Variants in FAM241B observed in about 807,000 individuals in gnomAD.
The protein encoded by FAM241B is family with sequence similarity 241 member B, also known as protein FAM241B.
In FAM241B, 7 loss-of-function variants were observed where a neutral mutation model predicts 9.3. That is an observed-to-expected ratio of 0.75 (90% CI 0.43 to 1.41). The LOEUF is 1.41. FAM241B is among the 40% of genes most tolerant of loss of function. FAM241B has a pLI of 0.01. For synonymous variants in FAM241B, 60 were observed against 64.1 expected (o/e 0.94, Z 0.31); for missense variants, 136 against 159.6 (o/e 0.85, Z 0.80).
chr10:69,630,805 A>G (rs1176782165), intron 1 of FAM241B: 3 of 636,978 alleles, frequency 4.7e-6, no homozygotes, highest in South Asian at 2.3e-5. Context: ...ATATTTTGGG[A>G]AGGCTGGGCC....
rs538817175 is a variant in FAM241B, at chr10:69,631,203, C to A, written c.-103-277C>A. 1.6e-4 allele frequency among the ~76,000 whole-genome samples: 25 copies of A among 152,332 alleles called. No individual in the cohort carries two copies. The South Asian group carries it at 4.3e-3, about 27-fold the overall frequency. ...GTGATCCCGGGCAGGCCACTTAAGT[C>A]TCCCTGTGCCTCCGCCTGTGCAATG... On this transcript the variant is annotated intron_variant, in intron 1 of 3. Transcript: ENST00000373279.
chr10:69,631,537 C>T lies in FAM241B; in HGVS notation c.-46C>T. 1 of 1,543,606 alleles carries T rather than the reference C, an allele frequency of 6.5e-7. No individual in the cohort carries two copies. The highest frequency in any genetic ancestry group is 1.2e-5 in the South Asian group (1 of 83,158). On this transcript the variant is annotated 5_prime_UTR_variant, in exon 2 of 4. Coordinates refer to ENST00000373279, the MANE Select transcript of FAM241B (RefSeq NM_145306.3). ...TGAACATCACTGACTGCAAGCCTCC[C>T]TCAATTTCTGGTAAATTTTTTCCTT... is the stretch of plus-strand genomic sequence containing the variant.
intron 3 of FAM241B, 124 bp from the exon 4 acceptor site, chr10:69,632,666 C>T (rs1839849531): frequency 5.4e-6 from 6 of 1,103,404 alleles, no homozygotes; most frequent in Non-Finnish European, 6.4e-6. Flanking sequence ...TGGGGGATTG[C>T]TGAGAAAGGA....
At chr10:69,631,976 A>G in intron 3 of FAM241B, 137 bp downstream of exon 3, 56 of 409,112 alleles carry the variant, frequency 1.4e-4, no homozygotes, top group Admixed American at 1.8e-4. Flanking sequence ...GGGAAGATGC[A>G]GTGGCTTATT....
chr10:69,632,189 G>C (rs542108021), intron 3 of FAM241B, among the ~76,000 whole-genome samples: 1 of 152,200 alleles, frequency 6.6e-6, no homozygotes, highest in East Asian at 1.9e-4. Flanking sequence ...GGCTGGGCGC[G>C]GTGGCTCACA....
Position 69,631,800 on chromosome 10 carries a change from G to T in FAM241B, c.57G>T (p.Arg19Ser), listed in dbSNP as rs1253888125. 1 of 1,613,082 alleles carries T rather than the reference G, an allele frequency of 6.2e-7. No homozygotes were observed. Among genetic ancestry groups the T allele is most frequent in the Non-Finnish European group, 8.5e-7 (1 of 1,179,794 alleles). ...TGCAGGATGACGACCCCCGAGTGAG[G>T]ACCACTACCCAGCCACCAAGAGGTA... The part of the protein sequence containing the change: ...EIVQDDDPRV[R>S]TTTQPPRGSI... Residue 19 changes from arginine (R) to serine (S), a missense_variant, in exon 3 of 4, where the codon AGG (arginine) becomes AGT (serine). Coordinates refer to ENST00000373279, the MANE Select transcript of FAM241B (RefSeq NM_145306.3).
In FAM241B at chr10:69,631,834, C is replaced by G. The variant is rs754518307; in HGVS notation, c.91C>G (p.Arg31Gly). The change falls in exon 3 of 4, where the codon CGA (arginine) becomes GGA (glycine). Residue 31 changes from arginine (R) to glycine (G), a missense_variant. Transcript: ENST00000373279. ...CCAGCCACCAAGAGGTAGCATTCCT[C>G]GACAGGTAGGTACTCATTTCCTGTG... is the stretch of plus-strand genomic sequence containing the variant. ...TTQPPRGSIP[R>G]QSFFNRGHGA... The G allele has an allele frequency of 5.6e-6, 9 of 1,609,276 alleles. No homozygotes were observed. Among genetic ancestry groups the G allele is most frequent in the South Asian group, 1.1e-5 (1 of 89,446 alleles).
rs557144573 is a variant in FAM241B at position 69,631,720 on chromosome 10, C to T, written c.-24C>T. 1.9e-6 allele frequency: 3 copies of T among 1,609,208 alleles called. No individual in the cohort carries two copies. The highest frequency in any genetic ancestry group is 2.2e-5 in the South Asian group (2 of 89,422). On this transcript the variant is annotated 5_prime_UTR_variant, in exon 3 of 4. Coordinates refer to ENST00000373279, the MANE Select transcript of FAM241B (RefSeq NM_145306.3). ...ACCACACAATGCAGGTGCAGCCCAT[C>T]AGGGACCCACAGCGCCTGGGAGGAT...
chr10:69,632,457 CAAAA>C (rs58019486), intron 3 of FAM241B, among the ~76,000 whole-genome samples: 8,752 of 108,842 alleles, frequency 0.08, 271 homozygotes, highest in East Asian at 0.23. Context: ...GACTCCGTCT[CAAAA>C]AAAAAAAAAA....
At chr10:69,630,599 G>A (rs182427343) in intron 1 of FAM241B, 3 of 1,277,898 alleles carry the variant, frequency 2.3e-6, no homozygotes, top group East Asian at 1.2e-4. Flanking sequence ...TCCAGGCTAC[G>A]GGCAAGACCA....
chr10:69,630,712 T>G, intron 1 of FAM241B: 1 of 1,270,206 alleles, frequency 7.9e-7, no homozygotes, highest in Non-Finnish European at 1.0e-6. Context: ...TTACCCAGAC[T>G]CAAGGGGAGG....
At chr10:69,630,583 C>T (rs1362111633) in intron 1 of FAM241B, 2 of 1,238,612 alleles carry the variant, frequency 1.6e-6, no homozygotes, top group African/African-American at 3.1e-5. Flanking sequence ...CGCGCCTGTC[C>T]CGGGCTCCAG....
Position 69,633,207 on chromosome 10 carries a change from C to T in FAM241B, c.*148C>T, listed in dbSNP as rs1839862526. On this transcript the variant is annotated 3_prime_UTR_variant, in exon 4 of 4. Transcript: ENST00000373279. The stretch of plus-strand genomic sequence containing the variant: ...GTGTGTGTTTCCCCTTTGTGTTAAG[C>T]GTGAGGCAGAGGGAGACGTTAGTCC... 8.2e-6 allele frequency: 10 copies of T among 1,221,074 alleles called. No homozygotes were observed. Among genetic ancestry groups the T allele is most frequent in the African/African-American group, 6.0e-5 (4 of 66,474 alleles). 75.6% of individuals were successfully genotyped at this position (1,221,074 alleles called of 1,614,324 possible). A position where few individuals can be genotyped will look rare whatever the true frequency, so the allele number is the denominator to read the frequency against.
At position 69,633,125 on chromosome 10, in the gene FAM241B, C is replaced by A. The variant is rs556176739; in HGVS notation, c.*66C>A. ...TGCTGGGCCTTGGTGTGAGAGCAGG[C>A]ATATTTGGAGGGGATCTGGTGGTGC... On this transcript the variant is annotated 3_prime_UTR_variant, in exon 4 of 4. Transcript: ENST00000373279. The A allele has an allele frequency of 2.0e-5, 31 of 1,583,814 alleles. No individual in the cohort carries two copies. In the Admixed American group the frequency reaches 4.7e-4, roughly 24 times the overall value.
chr10:69,633,416 C>T lies in FAM241B; in HGVS notation c.*357C>T, dbSNP rs566400182. 6 of 291,336 alleles carry T rather than the reference C, an allele frequency of 2.1e-5. No individual in the cohort carries two copies. Among genetic ancestry groups the T allele is most frequent in the Non-Finnish European group, 3.2e-5 (5 of 154,816 alleles). 18.0% of individuals were successfully genotyped at this position (291,336 alleles called of 1,614,324 possible). On this transcript the variant is annotated 3_prime_UTR_variant, in exon 4 of 4. Transcript: ENST00000373279. ...GTTCCGATGCCTGTGGAAGACATGC[C>T]GACGTCTCCTCTGCCTAGGGAGCAG...
rs1037539260 is a variant in FAM241B, at chr10:69,633,564, G to A, written c.*505G>A. On this transcript the variant is annotated 3_prime_UTR_variant, in exon 4 of 4. Coordinates refer to ENST00000373279, the MANE Select transcript of FAM241B (RefSeq NM_145306.3). ...AAGTGGTAGTGGCATTCTATTTATT[G>A]TGACCTTTTCAATAAATAGATTTAA... 1.3e-5 allele frequency: 2 copies of A among 157,616 alleles called. No individual in the cohort carries two copies. The highest frequency in any genetic ancestry group is 2.8e-5 in the Non-Finnish European group (2 of 71,298). The allele number at this position is 157,616 out of a possible 1,614,324, so 9.8% of individuals were successfully genotyped here.
rs868331413 is a variant in FAM241B, at chr10:69,630,756, A to C, written c.-104+443A>C. On this transcript the variant is annotated intron_variant, in intron 1 of 3. Transcript: ENST00000373279. Reference sequence around the variant, plus strand: ...GGCCCCGCAGTCCAGGGGTCCGCGGAGTGGAGCCTTTCGAGGGCCACCGCA... The same window carrying C: ...GGCCCCGCAGTCCAGGGGTCCGCGGCGTGGAGCCTTTCGAGGGCCACCGCA... The C allele has an allele frequency of 1.6e-5, 17 of 1,038,486 alleles. No homozygotes were observed. The South Asian group carries it at 2.7e-4, about 16-fold the overall frequency. 64.3% of individuals were successfully genotyped at this position (1,038,486 alleles called of 1,614,324 possible).
rs757448881 is a variant in FAM241B, at chr10:69,632,871, G to T, written c.178G>T (p.Ala60Ser). 3 of 1,614,106 alleles carry T rather than the reference G, an allele frequency of 1.9e-6. No homozygotes were observed. The African/African-American group carries it at 4.0e-5, about 22-fold the overall frequency. The change falls in exon 4 of 4, where the codon GCT (alanine) becomes TCT (serine). Residue 60 changes from alanine (A) to serine (S), a missense_variant. Physicochemically the swap from Ala to Ser is moderately conservative, Grantham distance 99. Transcript: ENST00000373279. ...GCAGGCAGGTGCCAGGCTGGGTGCTGCTCAGTCCCCCTTCAATGACCTCAA... is the reference window on the plus strand; with the variant it reads ...GCAGGCAGGTGCCAGGCTGGGTGCTTCTCAGTCCCCCTTCAATGACCTCAA... ...QQQAGARLGA[A>S]QSPFNDLNRQ...
At position 69,630,670 on chromosome 10, in the gene FAM241B, A is replaced by C. The variant is rs1478220526; in HGVS notation, c.-104+357A>C. ...AGTGCTATCTGGAATGTAGGTGGAC[A>C]CTGAGGCTCATCTCCTGAGAATGAA... On this transcript the variant is annotated intron_variant, in intron 1 of 3. Transcript: ENST00000373279. 4 of 1,297,280 alleles carry C rather than the reference A, an allele frequency of 3.1e-6. No homozygotes were observed. The Admixed American group carries it at 9.5e-5, about 31-fold the overall frequency. The allele number at this position is 1,297,280 out of a possible 1,614,324, so 80.4% of individuals were successfully genotyped here.
Sources: allele counts gnomAD v4.1 joint callset (sites outside exome capture counted in the v4.1 genomes callset), GRCh38; gene constraint gnomAD v4.1.1; transcripts MANE v1.5; gene names NCBI Gene and HGNC (gene_info 2026-07-23, HGNC 2026-07-21).